The following AP2A2 variants were observed in gnomAD, a reference collection of about 807,000 sequenced individuals.
AP2A2 encodes adaptor related protein complex 2 subunit alpha 2, also known as AP-2 complex subunit alpha-2.
A neutral mutation model predicts 104.2 loss-of-function variants in AP2A2; 32 were observed. The ratio of observed to expected loss-of-function variants is 0.31; its 90% CI spans 0.23 to 0.41. The LOEUF (loss-of-function observed/expected upper bound fraction) is 0.41. Among genes scored for constraint, AP2A2 ranks in the 10% least tolerant of loss-of-function variants. The pLI, the probability that AP2A2 is intolerant of heterozygous loss-of-function variation, is 1.00. For synonymous variants in AP2A2, 539 were observed against 533.3 expected (o/e 1.01, Z -0.15); for missense variants, 912 against 1,261.0 (o/e 0.72, Z 4.19).
chr11:940,058 G>C (rs953743425), intron 1 of AP2A2, among the ~76,000 whole-genome samples: 1 of 149,764 alleles, frequency 6.7e-6, no homozygotes, highest in African/African-American at 2.5e-5. Context: ...GGGTTCAAGC[G>C]ATTCTCCTGC....
At position 970,124 on chromosome 11, in the gene AP2A2, C is replaced by T. The variant is rs753370319; in HGVS notation, c.137-45C>T. 11 of 1,604,274 alleles carry T rather than the reference C, an allele frequency of 6.9e-6. No individual in the cohort carries two copies. The African/African-American group carries it at 9.4e-5, about 14-fold the overall frequency. On this transcript the variant is annotated intron_variant, in intron 2 of 21. Coordinates refer to ENST00000448903, the MANE Select transcript of AP2A2 (RefSeq NM_012305.4). ...GCCCTCTGCTCTCCCCTCTCCCCTG[C>T]CTCTGCCCGCCTGGAATAAAACCTC... is the stretch of plus-strand genomic sequence containing the variant.
chr11:947,543 C>G (rs1227710772), intron 1 of AP2A2, among the ~76,000 whole-genome samples: 1 of 152,100 alleles, frequency 6.6e-6, no homozygotes, highest in African/African-American at 2.4e-5. Flanking sequence ...CACCTCTAAT[C>G]CCAGCGCTTT....
chr11:981,862 C>T (rs1231153334), intron 6 of AP2A2, among the ~76,000 whole-genome samples: 1 of 152,266 alleles, frequency 6.6e-6, no homozygotes, highest in African/African-American at 2.4e-5. Flanking sequence ...CCCTTGGTTT[C>T]CATGTGCACG....
At chr11:1,008,890 G>T (rs924957403) in intron 18 of AP2A2, 14 of 579,708 alleles carry the variant, frequency 2.4e-5, no homozygotes, top group Non-Finnish European at 4.0e-5. Context: ...CGTCCTGCCT[G>T]AGTATGCGGC....
intron 2 of AP2A2, among the ~76,000 whole-genome samples, chr11:961,692 C>T (rs1437340014): frequency 7.5e-6 from 1 of 134,148 alleles, no homozygotes; most frequent in Non-Finnish European, 1.6e-5. Flanking sequence ...ACAGTCGCCG[C>T]CACCAGTGAA....
At chr11:981,629 G>A (rs1855245401) in intron 6 of AP2A2, among the ~76,000 whole-genome samples, 1 of 152,366 alleles carries the variant, frequency 6.6e-6, no homozygotes, top group African/African-American at 2.4e-5. Context: ...TCAGCTTCCT[G>A]TTCTGAGTTT....
intron 16 of AP2A2, among the ~76,000 whole-genome samples, chr11:1,005,614 C>T (rs1308903238): frequency 6.6e-6 from 1 of 152,240 alleles, no homozygotes; most frequent in Non-Finnish European, 1.5e-5. Flanking sequence ...CAGCGCCTGC[C>T]TTGAGCCTCC....
intron 1 of AP2A2, chr11:940,979 GC>G (rs2134481874): frequency 2.2e-6 from 1 of 455,010 alleles, no homozygotes; most frequent in East Asian, 7.0e-5. Context: ...ACTGCGCTGT[GC>G]TGCTCTCACG....
Position 959,574 on chromosome 11 carries a change from T to C in AP2A2, c.136+69T>C, listed in dbSNP as rs1050846202. 6 of 992,050 alleles carry C rather than the reference T, an allele frequency of 6.0e-6. No individual in the cohort carries two copies. In the African/African-American group the frequency reaches 6.6e-5, roughly 11 times the overall value. 61.5% of individuals were successfully genotyped at this position (992,050 alleles called of 1,614,324 possible). A position where few individuals can be genotyped will look rare whatever the true frequency, so the allele number is the denominator to read the frequency against. ...TTTCTGTAGTAAGAACCCAGTCTTT[T>C]AATACTGTCTTCTTTTCTCCCACAC... is the stretch of plus-strand genomic sequence containing the variant. On this transcript the variant is annotated intron_variant, in intron 2 of 21. Coordinates refer to ENST00000448903, the MANE Select transcript of AP2A2 (RefSeq NM_012305.4).
chr11:965,995 C>T (rs1387358074), intron 2 of AP2A2, among the ~76,000 whole-genome samples: 1 of 152,152 alleles, frequency 6.6e-6, no homozygotes, highest in African/African-American at 2.4e-5. Context: ...TGTGCACCAC[C>T]ACGCCCAGCA....
intron 10 of AP2A2, among the ~76,000 whole-genome samples, chr11:991,767 C>T (rs1590002697): frequency 9.4e-6 from 1 of 106,762 alleles, no homozygotes; most frequent in East Asian, 2.3e-4. Flanking sequence ...GAGGGGGCGG[C>T]AGGGTGTGGG....
intron 4 of AP2A2, among the ~76,000 whole-genome samples, chr11:976,419 G>T (rs1299325763): frequency 6.6e-6 from 1 of 152,180 alleles, no homozygotes; most frequent in African/African-American, 2.4e-5. Flanking sequence ...GCTTGGAGAA[G>T]AGACTGGCCC....
intron 1 of AP2A2, among the ~76,000 whole-genome samples, chr11:944,789 CG>C (rs1474391434): frequency 1.4e-5 from 2 of 145,000 alleles, no homozygotes; most frequent in Admixed American, 7.4e-5. Flanking sequence ...AGGCCTTTGT[CG>C]GGGAGGATGA....
At chr11:969,517 T>C (rs7395067) in intron 2 of AP2A2, among the ~76,000 whole-genome samples, 76,906 of 151,920 alleles carry the variant, frequency 0.51, 20,105 homozygotes, top group Middle Eastern at 0.66. Flanking sequence ...TGAGCCACCG[T>C]GCCGGGCCCA....
At chr11:957,342 T>C (rs561745147) in intron 1 of AP2A2, among the ~76,000 whole-genome samples, 1 of 152,320 alleles carries the variant, frequency 6.6e-6, no homozygotes, top group African/African-American at 2.4e-5. Context: ...GATTGACAGC[T>C]GTGTACAAAT....
Position 993,700 on chromosome 11 carries a change from C to T in AP2A2, c.1551-54C>T. Reference sequence around the variant, plus strand: ...GCCGTCCCCCCCCCGCGGGGGCGTGCTGCAGCCTGCGAGGGGACGACGGTG... The same window carrying T: ...GCCGTCCCCCCCCCGCGGGGGCGTGTTGCAGCCTGCGAGGGGACGACGGTG... On this transcript the variant is annotated intron_variant, in intron 12 of 21. Transcript: ENST00000448903. The surrounding 1 kb of genome is among the most constrained non-coding windows in gnomAD (Gnocchi z 8.2). 1.4e-6 allele frequency: 2 copies of T among 1,414,828 alleles called. No homozygotes were observed. Among genetic ancestry groups the T allele is most frequent in the Middle Eastern group, 1.8e-4 (1 of 5,670 alleles). 87.6% of individuals were successfully genotyped at this position (1,414,828 alleles called of 1,614,324 possible). A position where few individuals can be genotyped will look rare whatever the true frequency, so the allele number is the denominator to read the frequency against.
At position 994,262 on chromosome 11, in the gene AP2A2, C is replaced by T; in HGVS notation, c.1956+17C>T. The T allele has an allele frequency of 6.2e-7, 1 of 1,611,496 alleles. No homozygotes were observed. The highest frequency in any genetic ancestry group is 8.5e-7 in the Non-Finnish European group (1 of 1,179,034). On this transcript the variant is annotated intron_variant, in intron 14 of 21. Coordinates refer to ENST00000448903, the MANE Select transcript of AP2A2 (RefSeq NM_012305.4). ...AGCGCCGTGGTGGGTCCCTCACCTA[C>T]TGTGCACCCAGACCTGTCAGGGCCT...
intron 2 of AP2A2, among the ~76,000 whole-genome samples, chr11:959,921 C>T (rs1412962221): frequency 6.6e-6 from 1 of 152,226 alleles, no homozygotes. Flanking sequence ...GGCTGAGTGC[C>T]TTCCCTGAAC....
intron 14 of AP2A2, chr11:995,406 T>C (rs1451964616): frequency 6.6e-6 from 3 of 455,602 alleles, no homozygotes; most frequent in Non-Finnish European, 1.3e-5. Context: ...CCCTCTGCAC[T>C]GTCAGGGAGG....
Sources: allele counts gnomAD v4.1 joint callset (sites outside exome capture counted in the v4.1 genomes callset), GRCh38; gene constraint gnomAD v4.1.1; non-coding constraint Gnocchi (gnomAD v3.1); transcripts MANE v1.5; gene names NCBI Gene and HGNC (gene_info 2026-07-23, HGNC 2026-07-21).